SMYD1: variants seen among roughly 807,000 people sequenced by gnomAD.
SMYD1 encodes the protein histone-lysine N-methyltransferase SMYD1.
Under a neutral mutation model 54.0 loss-of-function variants are expected in SMYD1, and 49 were observed. The ratio of observed to expected loss-of-function variants is 0.91; its 90% confidence interval spans 0.72 to 1.15. The LOEUF (loss-of-function observed/expected upper bound fraction) is 1.15. Among genes scored for constraint, SMYD1 ranks in the 50% most tolerant of loss-of-function variants. The probability of loss-of-function intolerance (pLI) is 0.00; values close to 1 mark genes in which losing one functional copy is unlikely to be tolerated. For synonymous variants in SMYD1, 269 were observed against 234.2 expected, an observed-to-expected ratio of 1.15 and a Z score of -1.36; for missense variants, 653 against 639.6, an observed-to-expected ratio of 1.02 and a Z score of -0.23.
chr2:88,110,200 A>AGTGTGTGTGTGTGT (rs3222709), intron 9 of SMYD1, among the ~76,000 whole-genome samples, 154 bp from the exon 10 acceptor site: 2 of 138,988 alleles, frequency 1.4e-5, no homozygotes, highest in African/African-American at 5.6e-5. Flanking sequence ...TTGATGAATG[A>AGTGTGTGTGTGTGT]GTGTGTGTGT....
At chr2:88,110,006 G>A (rs568745774) in intron 9 of SMYD1, among the ~76,000 whole-genome samples, 1 of 152,316 alleles carries the variant, frequency 6.6e-6, no homozygotes, top group African/African-American at 2.4e-5. Context: ...CGGCTGAAGC[G>A]ATTATGTCTC....
chr2:88,108,568 C>T, intron 9 of SMYD1, 29 bp downstream of exon 9: 1 of 1,537,638 alleles, frequency 6.5e-7, no homozygotes, highest in Non-Finnish European at 8.8e-7. Context: ...CTGGTGTTCC[C>T]TTCCTGGCCT....
In SMYD1 at chr2:88,096,717, G is replaced by A. The variant is rs1674598272; in HGVS notation, c.821G>A (p.Cys274Tyr). Reference protein sequence around the residue: ...RQLKKQYYFDCTCEHCQKKLK... With the variant: ...RQLKKQYYFDYTCEHCQKKLK... ...CTGAAGAAGCAGTACTACTTTGACT[G>A]CACATGTGAACACTGCCAGAAAAAA... The change falls in exon 6 of 10, where the codon TGC becomes TAC. Residue 274 changes from cysteine (C) to tyrosine (Y), a missense_variant. Transcript: ENST00000419482. 3 of 1,614,082 alleles carry A rather than the reference G, an allele frequency of 1.9e-6. No homozygotes were observed. The highest frequency in any genetic ancestry group is 2.5e-6 in the Non-Finnish European group (3 of 1,180,054).
chr2:88,079,367 A>C (rs1043159998), intron 1 of SMYD1, among the ~76,000 whole-genome samples: 13 of 152,164 alleles, frequency 8.5e-5, no homozygotes, highest in African/African-American at 3.1e-4. Context: ...GAAGTGTATT[A>C]AGTTAGTTAA....
intron 4 of SMYD1, among the ~76,000 whole-genome samples, chr2:88,093,058 C>A (rs545133492): frequency 4.5e-4 from 68 of 152,340 alleles, no homozygotes; most frequent in African/African-American, 1.6e-3. Context: ...TGAACCCCAA[C>A]AATTTTTACA....
chr2:88,094,815 G>A (rs1674542450), intron 5 of SMYD1, among the ~76,000 whole-genome samples: 1 of 152,116 alleles, frequency 6.6e-6, no homozygotes. Flanking sequence ...CTCTGTAAAA[G>A]GGACTCGTGG....
At position 88,111,591 on chromosome 2, in the gene SMYD1, G is replaced by T. The variant is rs1378852070; in HGVS notation, c.*1079G>T. On this transcript the variant is annotated 3_prime_UTR_variant, in exon 10 of 10. Transcript: ENST00000419482. ...TGAGTTTCTTTTTCTGTCATGCCCT[G>T]GGGGCTTCTGCTCTTCTCACCAGAA... 1 of 155,038 alleles carries T rather than the reference G, an allele frequency of 6.5e-6. No homozygotes were observed. Among genetic ancestry groups the T allele is most frequent in the African/African-American group, 2.4e-5 (1 of 41,446 alleles). The allele number at this position is 155,038 out of a possible 1,614,324, so 9.6% of individuals were successfully genotyped here. A position where few individuals can be genotyped will look rare whatever the true frequency, so the allele number is the denominator to read the frequency against.
chr2:88,074,503 T>C (rs543806661), intron 1 of SMYD1, among the ~76,000 whole-genome samples: 12 of 152,344 alleles, frequency 7.9e-5, no homozygotes, highest in Non-Finnish European at 1.3e-4. Context: ...TCCTCTGCCA[T>C]GTAATGTAAT....
intron 9 of SMYD1, among the ~76,000 whole-genome samples, chr2:88,109,553 G>T (rs1193574625): frequency 6.6e-6 from 1 of 152,138 alleles, no homozygotes; most frequent in Non-Finnish European, 1.5e-5. Context: ...TGAAAAGCTG[G>T]TTTATTTGAG....
intron 7 of SMYD1, among the ~76,000 whole-genome samples, chr2:88,104,492 C>T (rs1674810413): frequency 6.6e-6 from 1 of 152,216 alleles, no homozygotes; most frequent in African/African-American, 2.4e-5. Flanking sequence ...GCCCCACTGG[C>T]TCCATTGCCC....
intron 1 of SMYD1, among the ~76,000 whole-genome samples, chr2:88,070,458 T>C (rs1406289887): frequency 6.6e-6 from 1 of 152,004 alleles, no homozygotes; most frequent in Non-Finnish European, 1.5e-5. Flanking sequence ...GTGTGTATTA[T>C]ATATTCTAAC....
intron 7 of SMYD1, among the ~76,000 whole-genome samples, chr2:88,103,552 A>C (rs1223550108): frequency 6.6e-6 from 1 of 152,156 alleles, no homozygotes; most frequent in Non-Finnish European, 1.5e-5. Flanking sequence ...CCAAATGAGC[A>C]TTCAACCTTG....
intron 1 of SMYD1, among the ~76,000 whole-genome samples, chr2:88,069,297 T>C (rs1303547269): frequency 6.6e-6 from 1 of 152,188 alleles, no homozygotes; most frequent in Non-Finnish European, 1.5e-5. Context: ...AGTATTCACA[T>C]TCTCTTGTCT....
At chr2:88,089,819 T>C (rs903618856) in intron 3 of SMYD1, among the ~76,000 whole-genome samples, 1 of 151,986 alleles carries the variant, frequency 6.6e-6, no homozygotes, top group Non-Finnish European at 1.5e-5. Flanking sequence ...CTCAAACTCC[T>C]GAGCTCAAGT....
In SMYD1 at chr2:88,088,069, C is replaced by T. The variant is rs1460016828; in HGVS notation, c.522C>T (p.Phe174=). ...GCATGCAGTACATCTCGCACATCTT[C>T]GGAGTGGTAGGCCCCCTGCGTCCCT... ...QFSMQYISHI[F]GVINCNGFTL... Residue 174 remains phenylalanine, a synonymous_variant, in exon 3 of 10, where the codon TTC becomes TTT. Transcript: ENST00000419482. 6.2e-7 allele frequency: 1 copy of T among 1,612,832 alleles called. No homozygotes were observed. The highest frequency in any genetic ancestry group is 1.1e-5 in the South Asian group (1 of 90,932).
At chr2:88,102,602 C>G (rs147976752) in intron 6 of SMYD1, among the ~76,000 whole-genome samples, 126 of 152,318 alleles carry the variant, frequency 8.3e-4, no homozygotes, top group African/African-American at 2.8e-3. Context: ...TCCCTGGGCT[C>G]TGTCTTCAGC....
intron 2 of SMYD1, among the ~76,000 whole-genome samples, chr2:88,085,702 T>G (rs1298108613): frequency 1.3e-5 from 2 of 152,178 alleles, no homozygotes; most frequent in Non-Finnish European, 2.9e-5. Context: ...TTCATGACCC[T>G]TTCCTCGGTA....
Position 88,106,452 on chromosome 2 carries a change from C to G in SMYD1, c.1109C>G (p.Ala370Gly). 3 of 1,614,090 alleles carry G rather than the reference C, an allele frequency of 1.9e-6. No individual in the cohort carries two copies. Among genetic ancestry groups the G allele is most frequent in the Non-Finnish European group, 2.5e-6 (3 of 1,179,996 alleles). Reference protein sequence around the residue: ...VLSYLQAFEEASFYARRMVDG... With the variant: ...VLSYLQAFEEGSFYARRMVDG... ...TCCTACCTCCAGGCCTTTGAGGAGG[C>G]CTCGTTCTATGCCAGGAGGATGGTG... The change falls in exon 8 of 10, where the codon GCC (alanine) becomes GGC (glycine). Residue 370 changes from alanine to glycine, a missense_variant. Ala to Gly is a moderately conservative substitution (Grantham distance 60, BLOSUM62 0). Coordinates refer to ENST00000419482, the MANE Select transcript of SMYD1 (RefSeq NM_198274.4).
At chr2:88,070,085 C>T (rs768141123) in intron 1 of SMYD1, among the ~76,000 whole-genome samples, 8 of 150,482 alleles carry the variant, frequency 5.3e-5, no homozygotes, top group Non-Finnish European at 8.8e-5. Context: ...GTATAAATGA[C>T]GTTTAAAATG....
Sources: gnomAD v4.1 joint callset for allele counts (sites outside exome capture counted in the v4.1 genomes callset) on GRCh38, gnomAD v4.1.1 for gene constraint, MANE v1.5 for transcripts, NCBI Gene and HGNC (gene_info 2026-07-23, HGNC 2026-07-21) for gene names.